The following STAG3 variants were observed in gnomAD, a reference collection of about 807,000 sequenced individuals.
STAG3 encodes the protein STAG3 cohesin complex component.
In STAG3, 101 loss-of-function variants were observed where a neutral mutation model predicts 160.7. That is an observed-to-expected ratio of 0.63 (90% CI 0.54 to 0.74). The LOEUF is 0.74. STAG3 is among the 30% of genes least tolerant of loss of function. STAG3 has a pLI of 0.00. For synonymous variants in STAG3, 519 were observed against 585.0 expected, an observed-to-expected ratio of 0.89 and a Z score of 1.63; for missense variants, 1,188 against 1,517.4, an observed-to-expected ratio of 0.78 and a Z score of 3.61.
chr7:100,203,185 C>CTTTT (rs34123265), intron 25 of STAG3, among the ~76,000 whole-genome samples: 1 of 141,174 alleles, frequency 7.1e-6, no homozygotes, highest in Non-Finnish European at 1.5e-5. Flanking sequence ...CTTTTCTTTT[C>CTTTT]TTTTTTTTTT....
chr7:100,188,529 G>A lies in STAG3; in HGVS notation c.510G>A (p.Glu170=), dbSNP rs1800168246. 1.9e-6 allele frequency: 3 copies of A among 1,609,434 alleles called. No individual in the cohort carries two copies. Among genetic ancestry groups the A allele is most frequent in the Non-Finnish European group, 2.6e-6 (3 of 1,175,882 alleles). Residue 170 remains glutamate (E), a splice_region_variant and synonymous_variant, in exon 6 of 34, where the codon GAG becomes GAA. Transcript: ENST00000615138. The part of the protein sequence containing the change: ...IIQHLTEQFN[E]DSGDYPLIAP... ...AGCACCTAACAGAGCAGTTTAATGA[G>A]GTGGAAGAAGATGACCAGGATCCTC...
intron 30 of STAG3, 28 bp downstream of exon 30, chr7:100,211,213 C>CT (rs1222195869): frequency 3.3e-6 from 5 of 1,538,222 alleles, no homozygotes; most frequent in South Asian, 1.3e-5. Flanking sequence ...ATCTGGGTGT[C>CT]TGAGTTCCCA....
chr7:100,180,634 A>G lies in STAG3; in HGVS notation c.78A>G (p.Leu26=), dbSNP rs780251896. The change falls in exon 2 of 34, where the codon CTA becomes CTG. Residue 26 remains leucine, a synonymous_variant. Coordinates refer to ENST00000615138, the MANE Select transcript of STAG3 (RefSeq NM_001282717.2). ...LSASSSSSAS[L]PFDDRDSNHT... ...CATCTTCTAGTTCCTCTGCCAGTCTACCCTTTGATGACAGGGACTCAAACC... is the reference window on the plus strand; with the variant it reads ...CATCTTCTAGTTCCTCTGCCAGTCTGCCCTTTGATGACAGGGACTCAAACC... 6.2e-7 allele frequency: 1 copy of G among 1,613,146 alleles called. No individual in the cohort carries two copies. The highest frequency in any genetic ancestry group is 8.5e-7 in the Non-Finnish European group (1 of 1,179,156).
At chr7:100,196,671 A>G (rs1800713162) in intron 9 of STAG3, among the ~76,000 whole-genome samples, 1 of 151,964 alleles carries the variant, frequency 6.6e-6, no homozygotes, top group Non-Finnish European at 1.5e-5. Context: ...TGCACCTGTA[A>G]TCCCAGCTAC....
chr7:100,189,235 A>G (rs1439414366), intron 7 of STAG3, among the ~76,000 whole-genome samples: 21 of 152,112 alleles, frequency 1.4e-4, no homozygotes, highest in Non-Finnish European at 2.9e-4. Context: ...GTCAGAGCTC[A>G]CCACTAGGGG....
intron 6 of STAG3, 22 bp from the exon 7 acceptor site, chr7:100,188,790 C>T: frequency 1.2e-6 from 2 of 1,613,118 alleles, no homozygotes; most frequent in Non-Finnish European, 1.7e-6. Context: ...CTTTCCCATC[C>T]TTTTCATACA....
At chr7:100,190,037 G>T (rs1400766157) in intron 8 of STAG3, among the ~76,000 whole-genome samples, 1 of 152,098 alleles carries the variant, frequency 6.6e-6, no homozygotes, top group East Asian at 1.9e-4. Flanking sequence ...TTTAAATTCT[G>T]TTGAATTTAG....
At chr7:100,187,059 T>C (rs1309603216) in intron 5 of STAG3, among the ~76,000 whole-genome samples, 1 of 151,808 alleles carries the variant, frequency 6.6e-6, no homozygotes, top group Non-Finnish European at 1.5e-5. Flanking sequence ...TGAGACAGAG[T>C]CTCACTCTGT....
chr7:100,202,202 A>G lies in STAG3; in HGVS notation c.2425A>G (p.Ile809Val). The change falls in exon 24 of 34, where the codon ATC becomes GTC. Residue 809 changes from isoleucine to valine, a missense_variant. Transcript: ENST00000615138. ...AFVLLSDLLLIFSPQMIVGGR... is the reference protein window; with the variant it reads ...AFVLLSDLLLVFSPQMIVGGR... ...TGTCTTATTAAGTGATCTACTTCTC[A>G]TCTTTAGCCCTCAGATGATTGTTGG... The G allele has an allele frequency of 6.2e-7, 1 of 1,613,916 alleles. No homozygotes were observed. Among genetic ancestry groups the G allele is most frequent in the Admixed American group, 1.7e-5 (1 of 59,966 alleles).
At chr7:100,182,887 G>A (rs918854126) in intron 4 of STAG3, 48 bp downstream of exon 4, 4 of 1,602,344 alleles carry the variant, frequency 2.5e-6, no homozygotes, top group South Asian at 1.1e-5. Context: ...TTTTTGTAAG[G>A]TGGTAAGGAC....
Position 100,213,781 on chromosome 7 carries a change from T to A in STAG3, c.3647T>A (p.Leu1216Ter), listed in dbSNP as rs1316361557. The A allele has an allele frequency of 6.2e-7, 1 of 1,614,234 alleles. No individual in the cohort carries two copies. Among genetic ancestry groups the A allele is most frequent in the East Asian group, 2.2e-5 (1 of 44,892 alleles). Residue 1216 changes from leucine to a stop codon, truncating the protein, a stop_gained, in exon 33 of 34, where the codon TTA (leucine) becomes TAA (stop). Coordinates refer to ENST00000615138, the MANE Select transcript of STAG3 (RefSeq NM_001282717.2). LOFTEE classifies it high-confidence loss of function. ...SSTSERGLDL[L>*]DSTELDIEDF ...ACCAGTGAGCGCGGGCTGGACCTCT[T>A]AGATTCTACAGAGCTGGATATTGAG...
chr7:100,178,832 CTT>C (rs10632661), intron 1 of STAG3, among the ~76,000 whole-genome samples: 11 of 142,920 alleles, frequency 7.7e-5, no homozygotes, highest in Non-Finnish European at 1.1e-4. Context: ...TTTGTCATTA[CTT>C]TTTTTTTTTT....
At chr7:100,189,789 A>G (rs1800246430) in intron 8 of STAG3, among the ~76,000 whole-genome samples, 193 bp downstream of exon 8, 1 of 150,858 alleles carries the variant, frequency 6.6e-6, no homozygotes, top group Non-Finnish European at 1.5e-5. Context: ...TCAACAAATA[A>G]TGTGTAATTT....
chr7:100,196,782 G>A (rs1463307892), intron 9 of STAG3, among the ~76,000 whole-genome samples: 1 of 151,974 alleles, frequency 6.6e-6, no homozygotes, highest in Non-Finnish European at 1.5e-5. Context: ...CAGGTGGAGT[G>A]GAGAATTAGG....
In STAG3 at chr7:100,202,334, G is replaced by A. The variant is rs1336047312; in HGVS notation, c.2557G>A (p.Gly853Ser). The change falls in exon 24 of 34, where the codon GGC becomes AGC. Residue 853 changes from glycine to serine, a missense_variant. Gly to Ser is a moderately conservative substitution (Grantham distance 56). Coordinates refer to ENST00000615138, the MANE Select transcript of STAG3 (RefSeq NM_001282717.2). ...DHVFIQPGDL[G>S]SGDSQEDHLQ... ...CGTCTTCATCCAGCCGGGAGACCTG[G>A]GCAGTGGTGCAGTGACTCTATACCT... 5 of 1,613,956 alleles carry A rather than the reference G, an allele frequency of 3.1e-6. No homozygotes were observed. The African/African-American group carries it at 6.7e-5, about 22-fold the overall frequency.
At position 100,211,094 on chromosome 7, in the gene STAG3, C is replaced by G; in HGVS notation, c.3322C>G (p.Leu1108Val). ...GAACAGCATCCCGCCCACGCCCACC[C>G]TCACCTCCACAGCTGTGAAGAGCAG... ...QLNSIPPTPT[L>V]TSTAVKSRQP... The change falls in exon 30 of 34, where the codon CTC (leucine) becomes GTC (valine). Residue 1108 changes from leucine to valine, a missense_variant. Physicochemically the swap from Leu to Val is conservative, Grantham distance 32. Coordinates refer to ENST00000615138, the MANE Select transcript of STAG3 (RefSeq NM_001282717.2). 1 of 1,613,234 alleles carries G rather than the reference C, an allele frequency of 6.2e-7. No homozygotes were observed. The highest frequency in any genetic ancestry group is 8.5e-7 in the Non-Finnish European group (1 of 1,179,502).
rs760293918 is a variant in STAG3, at chr7:100,202,534, C to A, written c.2644C>A (p.Leu882Ile). The A allele has an allele frequency of 3.7e-6, 6 of 1,614,148 alleles. No homozygotes were observed. In the South Asian group the frequency reaches 6.6e-5, roughly 18 times the overall value. The change falls in exon 25 of 34, where the codon CTT (leucine) becomes ATT (isoleucine). Residue 882 changes from leucine (L) to isoleucine (I), a missense_variant. Coordinates refer to ENST00000615138, the MANE Select transcript of STAG3 (RefSeq NM_001282717.2). ...CCTAGCCGGGTTCTGCAAGCTGTTG[C>A]TTTATGGGGTGCTGGAGATGGATGC... ...RLLAGFCKLL[L>I]YGVLEMDAAS...
intron 4 of STAG3, among the ~76,000 whole-genome samples, chr7:100,184,463 G>GTTTTTTTTTTTTTTTTT: frequency 1.0e-5 from 1 of 98,552 alleles, no homozygotes; most frequent in Non-Finnish European, 1.9e-5. Flanking sequence ...CAGCGTGTTA[G>GTTTTTTTTTTTTTTTTT]TTTTTTTTTT....
At chr7:100,181,921 A>G (rs1260257130) in intron 2 of STAG3, among the ~76,000 whole-genome samples, 169 bp from the exon 3 acceptor site, 1 of 150,218 alleles carries the variant, frequency 6.7e-6, no homozygotes, top group Non-Finnish European at 1.5e-5. Flanking sequence ...AAAAAAAAAG[A>G]CTTTGTCCCA....
Sources: gnomAD v4.1 joint callset for allele counts (sites outside exome capture counted in the v4.1 genomes callset) on GRCh38, gnomAD v4.1.1 for gene constraint, MANE v1.5 for transcripts, NCBI Gene and HGNC (gene_info 2026-07-23, HGNC 2026-07-21) for gene names.